The following AHI1 variants were observed in gnomAD, a reference collection of about 807,000 sequenced individuals.
AHI1 encodes jouberin.
Under a neutral mutation model 149.3 loss-of-function variants are expected in AHI1, and 123 were observed. The ratio of observed to expected loss-of-function variants is 0.82; its 90% CI spans 0.71 to 0.96. The LOEUF (loss-of-function observed/expected upper bound fraction) is 0.96. Ranked by LOEUF, AHI1 falls within the 40% of genes least tolerant of loss-of-function variation. The probability of loss-of-function intolerance (pLI) is 0.00; values close to 1 mark genes in which losing one functional copy is unlikely to be tolerated. For synonymous variants in AHI1, 475 were observed against 459.8 expected, an observed-to-expected ratio of 1.03 and a Z score of -0.42; for missense variants, 1,439 against 1,422.7, an observed-to-expected ratio of 1.01 and a Z score of -0.18.
Position 135,463,264 on chromosome 6 carries a change from C to T in AHI1, c.792G>A (p.Lys264=). The T allele has an allele frequency of 6.2e-7, 1 of 1,609,972 alleles. No individual in the cohort carries two copies. The highest frequency in any genetic ancestry group is 2.2e-5 in the East Asian group (1 of 44,748). The change falls in exon 8 of 29, where the codon AAG becomes AAA. Residue 264 remains lysine (K), a synonymous_variant. Coordinates refer to ENST00000265602, the MANE Select transcript of AHI1 (RefSeq NM_001134831.2). ...ISGDTVEGEQ[K]KESSVRSVSS... Reference sequence around the variant, plus strand: ...AAACTGATCTAACTGAAGATTCTTTCTTTTGTTCACCTTCAACTGTGTCAC... The same window carrying T: ...AAACTGATCTAACTGAAGATTCTTTTTTTTGTTCACCTTCAACTGTGTCAC...
intron 23 of AHI1, among the ~76,000 whole-genome samples, chr6:135,373,425 A>G (rs1775362880): frequency 6.6e-6 from 1 of 152,224 alleles, no homozygotes; most frequent in South Asian, 2.1e-4. Context: ...TAATGAAAAA[A>G]ATCACCTAAC....
rs578119345 is a variant in AHI1 at position 135,490,541 on chromosome 6, T to C, written c.135+82A>G. On this transcript the variant is annotated intron_variant, in intron 5 of 28. Coordinates refer to ENST00000265602, the MANE Select transcript of AHI1 (RefSeq NM_001134831.2). The stretch of plus-strand genomic sequence containing the variant: ...ACTGTTTTTAATTTTCAAAATTCCT[T>C]AGAATTTTAACATAAAATGCAGCCA... 2.5e-4 allele frequency: 388 copies of C among 1,526,190 alleles called. 1 individual carries two copies. Among genetic ancestry groups the C allele is most frequent in the Non-Finnish European group, 3.4e-4 (376 of 1,110,748 alleles). The allele number at this position is 1,526,190 out of a possible 1,614,324, so 94.5% of individuals were successfully genotyped here. A position where few individuals can be genotyped will look rare whatever the true frequency, so the allele number is the denominator to read the frequency against.
Position 135,466,269 on chromosome 6 carries a change from T to C in AHI1, c.294A>G (p.Lys98=). Residue 98 remains lysine, a synonymous_variant, in exon 7 of 29, where the codon AAA becomes AAG. Coordinates refer to ENST00000265602, the MANE Select transcript of AHI1 (RefSeq NM_001134831.2). ...NNLKKSTRVT[K]NKLRNTQLAT... The stretch of plus-strand genomic sequence containing the variant: ...CTAACTGTGTGTTCCTCAATTTGTT[T>C]TTAGTGACTCTCGTGCTCTTCTTCA... 1 of 1,613,968 alleles carries C rather than the reference T, an allele frequency of 6.2e-7. No individual in the cohort carries two copies. Among genetic ancestry groups the C allele is most frequent in the Non-Finnish European group, 8.5e-7 (1 of 1,179,860 alleles).
chr6:135,466,468 A>T, intron 6 of AHI1, 95 bp from the exon 7 acceptor site: 1 of 1,143,736 alleles, frequency 8.7e-7, no homozygotes, highest in Non-Finnish European at 1.2e-6. Context: ...ATGTGGAATT[A>T]TTGGGAGGAT....
At position 135,383,322 on chromosome 6, in the gene AHI1, T is replaced by C. The variant is rs374139934; in HGVS notation, c.3109+11454A>G. On this transcript the variant is annotated intron_variant, in intron 23 of 28. Coordinates refer to ENST00000265602, the MANE Select transcript of AHI1 (RefSeq NM_001134831.2). ...ATGGTTCACTGCAGCCTCAACCTCC[T>C]GGGTTCAATCGATTCCCCTCTGCCT... Among the ~76,000 whole-genome samples, 300 of 145,310 alleles carry C rather than the reference T, an allele frequency of 2.1e-3. 4 individuals carry two copies. Among genetic ancestry groups the C allele is most frequent in the African/African-American group, 7.0e-3 (275 of 39,016 alleles).
chr6:135,386,908 T>C (rs1313199562), intron 23 of AHI1, among the ~76,000 whole-genome samples: 2 of 152,268 alleles, frequency 1.3e-5, no homozygotes, highest in African/African-American at 2.4e-5. Context: ...TCATAAGGCA[T>C]GAGCCACCCC....
At chr6:135,360,095 C>A (rs986996677) in intron 23 of AHI1, among the ~76,000 whole-genome samples, 1 of 151,894 alleles carries the variant, frequency 6.6e-6, no homozygotes, top group Admixed American at 6.6e-5. Context: ...AAGGAATAAA[C>A]TTTAGAAAAA....
At chr6:135,352,248 A>C (rs1297254935) in intron 24 of AHI1, among the ~76,000 whole-genome samples, 4 of 152,172 alleles carry the variant, frequency 2.6e-5, no homozygotes, top group Non-Finnish European at 5.9e-5. Flanking sequence ...GCTTATACAG[A>C]TAGTCTTAAC....
At chr6:135,369,841 A>G (rs567315379) in intron 23 of AHI1, among the ~76,000 whole-genome samples, 3 of 152,304 alleles carry the variant, frequency 2.0e-5, no homozygotes, top group African/African-American at 7.2e-5. Flanking sequence ...GGTCTAGACT[A>G]TAATTCATTT....
chr6:135,408,325 AAT>A (rs1781098425), intron 21 of AHI1, among the ~76,000 whole-genome samples: 1 of 152,104 alleles, frequency 6.6e-6, no homozygotes, highest in South Asian at 2.1e-4. Flanking sequence ...CTAGTGAAGA[AAT>A]ATGTTTCTCT....
chr6:135,320,036 T>C (rs1383804999), intron 25 of AHI1, among the ~76,000 whole-genome samples: 4 of 152,194 alleles, frequency 2.6e-5, no homozygotes, highest in Non-Finnish European at 5.9e-5. Context: ...CAGATAAAGA[T>C]CAAGGACAAT....
At chr6:135,397,541 C>A (rs1210706861) in intron 22 of AHI1, among the ~76,000 whole-genome samples, 1 of 151,996 alleles carries the variant, frequency 6.6e-6, no homozygotes, top group East Asian at 1.9e-4. Context: ...TCTGGAACTT[C>A]TGCCAAGTTA....
chr6:135,302,122 G>A (rs1783953446), intron 26 of AHI1: 1 of 982,496 alleles, frequency 1.0e-6, no homozygotes, highest in African/African-American at 1.8e-5. Flanking sequence ...CTTCTGAGTT[G>A]CTGGGATTAC....
intron 5 of AHI1, among the ~76,000 whole-genome samples, chr6:135,482,894 C>CTTTTTTTTTTTTTTTTTTTTGTTTTTT (rs761997683): frequency 1.8e-5 from 1 of 55,734 alleles, no homozygotes; most frequent in African/African-American, 9.3e-5. Context: ...CCATTTAAGG[C>CTTTTTTTTTTTTTTTTTTTTGTTTTTT]TTTTTTTTTT....
At chr6:135,340,794 T>C (rs987134330) in intron 24 of AHI1, among the ~76,000 whole-genome samples, 7 of 150,100 alleles carry the variant, frequency 4.7e-5, no homozygotes, top group Non-Finnish European at 1.0e-4. Context: ...TGTATAAAGA[T>C]GTAATTTGTA....
At chr6:135,481,696 ATTG>A (rs749521776) in intron 5 of AHI1, among the ~76,000 whole-genome samples, 1 of 140,380 alleles carries the variant, frequency 7.1e-6, no homozygotes, top group Non-Finnish European at 1.6e-5. Flanking sequence ...TCCACTTGGT[ATTG>A]TTGTCCTTTT....
chr6:135,435,037 C>G (rs763973090), intron 15 of AHI1: 1 of 152,096 alleles, frequency 6.6e-6, no homozygotes, highest in African/African-American at 2.4e-5. Context: ...TGTCAGGGAT[C>G]CTCAGGAATA....
intron 16 of AHI1, among the ~76,000 whole-genome samples, chr6:135,432,034 T>C (rs558886874): frequency 4.7e-5 from 7 of 149,646 alleles, no homozygotes; most frequent in African/African-American, 1.7e-4. Flanking sequence ...GGATATCGTA[T>C]GGCCAAATAG....
chr6:135,489,527 C>T (rs1794946603), intron 5 of AHI1, among the ~76,000 whole-genome samples: 2 of 152,170 alleles, frequency 1.3e-5, no homozygotes, highest in Non-Finnish European at 2.9e-5. Flanking sequence ...CTGAGGGGAG[C>T]GCATATATCA....
Sources: allele counts gnomAD v4.1 joint callset (sites outside exome capture counted in the v4.1 genomes callset), GRCh38; gene constraint gnomAD v4.1.1; transcripts MANE v1.5; gene names NCBI Gene and HGNC (gene_info 2026-07-23, HGNC 2026-07-21).